Variants in PCYT1B observed in about 807,000 individuals in gnomAD.
The protein encoded by PCYT1B is choline-phosphate cytidylyltransferase B.
PCYT1B carries 10 observed loss-of-function variants against 26.4 expected under a neutral mutation model. The observed-to-expected ratio is 0.38, with a 90% CI of 0.23 to 0.64. The LOEUF (loss-of-function observed/expected upper bound fraction) is 0.64, where lower values mean the gene tolerates loss of function less well. Ranked by LOEUF, PCYT1B falls within the 30% of genes least tolerant of loss-of-function variation. The pLI is 0.56. For synonymous variants in PCYT1B, 131 were observed against 108.4 expected, an observed-to-expected ratio of 1.21 and a Z score of -1.29; for missense variants, 161 against 292.7, an observed-to-expected ratio of 0.55 and a Z score of 3.28.
chrX:24,665,922 G>A (rs1927118936), intron 1 of PCYT1B, among the ~76,000 whole-genome samples: 1 of 110,543 alleles, frequency 9.0e-6, no homozygotes, highest in Non-Finnish European at 1.9e-5. Flanking sequence ...AGAAGGTTGA[G>A]TCTGCCATCT....
At chrX:24,596,273 T>C (rs368833230) in intron 3 of PCYT1B, among the ~76,000 whole-genome samples, 110 of 112,023 alleles carry the variant, frequency 9.8e-4, no homozygotes, top group Middle Eastern at 4.6e-3. Flanking sequence ...AAATTATTAC[T>C]GGCTACATGC....
At chrX:24,617,452 AT>A (rs35284868) in intron 2 of PCYT1B, among the ~76,000 whole-genome samples, 26 of 82,725 alleles carry the variant, frequency 3.1e-4, no homozygotes, top group South Asian at 6.4e-4. Context: ...TATTATTATT[AT>A]TTTTTTTTTT....
chrX:24,616,089 C>T (rs1925480656), intron 2 of PCYT1B, among the ~76,000 whole-genome samples: 1 of 111,152 alleles, frequency 9.0e-6, no homozygotes, highest in African/African-American at 3.3e-5. Flanking sequence ...CAGAGCATCA[C>T]ATCGAGCAGA....
Position 24,562,165 on chromosome X carries a change from G to A in PCYT1B, c.*128C>T, listed in dbSNP as rs780755939. 8.3e-7 allele frequency: 1 copy of A among 1,206,295 alleles called. No individual in the cohort carries two copies. Among genetic ancestry groups the A allele is most frequent in the Non-Finnish European group, 1.1e-6 (1 of 892,348 alleles). On this transcript the variant is annotated 3_prime_UTR_variant, in exon 8 of 8. Transcript: ENST00000379144. The stretch of plus-strand genomic sequence containing the variant: ...CTGGTCCCAAGACCTTCCCTTAGCA[G>A]AGTTCAGGGTCTCTCTGCTGAGCTG...
rs777764326 is a variant in PCYT1B, at chrX:24,616,386, C to T, written c.217+2599G>A. Reference sequence around the variant, plus strand: ...CTGAGTAGCTGGGATTACAGGCATGCGCCACCACGCCTGGCTAATTTTTTG... The same window carrying T: ...CTGAGTAGCTGGGATTACAGGCATGTGCCACCACGCCTGGCTAATTTTTTG... On this transcript the variant is annotated intron_variant, in intron 2 of 7. Transcript: ENST00000379144. Among the ~76,000 whole-genome samples, 11 of 109,886 alleles carry T rather than the reference C, an allele frequency of 1.0e-4. No homozygotes were observed. The South Asian group carries it at 2.8e-3, about 28-fold the overall frequency.
intron 1 of PCYT1B, among the ~76,000 whole-genome samples, chrX:24,634,661 G>A (rs1926216082): frequency 9.0e-6 from 1 of 111,323 alleles, no homozygotes; most frequent in African/African-American, 3.3e-5. Flanking sequence ...CAAGAGAATC[G>A]CTTGTACCTG....
At chrX:24,659,926 G>A (rs967054512) in intron 1 of PCYT1B, among the ~76,000 whole-genome samples, 6 of 111,583 alleles carry the variant, frequency 5.4e-5, no homozygotes, top group Admixed American at 3.8e-4. Context: ...TGGGGGACAC[G>A]TTCAAACCAT....
intron 1 of PCYT1B, among the ~76,000 whole-genome samples, chrX:24,633,209 CAAAAAAAAAAAAA>C (rs1173874144): frequency 6.0e-5 from 1 of 16,735 alleles, no homozygotes; most frequent in African/African-American, 1.5e-4. Flanking sequence ...GACTATGTCT[CAAAAAAAAAAAAA>C]AAAAAAAAAA....
chrX:24,631,633 C>T (rs993758362), intron 1 of PCYT1B, among the ~76,000 whole-genome samples: 1 of 112,283 alleles, frequency 8.9e-6, no homozygotes, highest in Admixed American at 9.4e-5. Context: ...CTCCCACATC[C>T]CAAAGATGTA....
At position 24,590,149 on chromosome X, in the gene PCYT1B, T is replaced by C. The variant is rs755115416; in HGVS notation, c.360A>G (p.Lys120=). The change falls in exon 4 of 8, where the codon AAA becomes AAG. Residue 120 remains lysine, a synonymous_variant. Coordinates refer to ENST00000379144, the MANE Select transcript of PCYT1B (RefSeq NM_004845.5). ...VGVCSDDLTH[K]FKGFTVMNEA... ...CATTCATCACGGTGAAACCTTTGAA[T>C]TTGTGGGTGAGATCATCACTGCAAA... 1.8e-5 allele frequency: 22 copies of C among 1,208,284 alleles called. No individual in the cohort carries two copies. Among genetic ancestry groups the C allele is most frequent in the Non-Finnish European group, 2.5e-5 (22 of 894,254 alleles).
At chrX:24,594,520 C>T (rs1924716304) in intron 3 of PCYT1B, among the ~76,000 whole-genome samples, 1 of 111,512 alleles carries the variant, frequency 9.0e-6, no homozygotes, top group African/African-American at 3.3e-5. Context: ...TGAATCTGCA[C>T]CTGAGCAATT....
chrX:24,613,719 A>G (rs1925382467), intron 2 of PCYT1B, among the ~76,000 whole-genome samples: 1 of 110,033 alleles, frequency 9.1e-6, no homozygotes, highest in Admixed American at 9.8e-5. Flanking sequence ...TTGGGAAGCT[A>G]AGGTGGATAG....
chrX:24,613,405 G>C (rs1254879239), intron 2 of PCYT1B, among the ~76,000 whole-genome samples: 1 of 111,723 alleles, frequency 9.0e-6, no homozygotes, highest in Admixed American at 9.6e-5. Context: ...ACTAGCTAAT[G>C]ATACTATTTT....
intron 3 of PCYT1B, among the ~76,000 whole-genome samples, chrX:24,601,755 A>T (rs182908588): frequency 1.8e-5 from 2 of 111,771 alleles, no homozygotes; most frequent in Non-Finnish European, 3.8e-5. Flanking sequence ...CTATACACCT[A>T]TTAGAATGAC....
chrX:24,564,944 G>A (rs1230285009), intron 7 of PCYT1B, among the ~76,000 whole-genome samples: 2 of 110,702 alleles, frequency 1.8e-5, no homozygotes, highest in Admixed American at 9.6e-5. Context: ...CTGCAGTCTC[G>A]GGTCCAAGAA....
At chrX:24,649,096 G>T (rs1926712295), upstream of PCYT1B, among the ~76,000 whole-genome samples, 1 of 110,852 alleles carries the variant, frequency 9.0e-6, no homozygotes, top group Admixed American at 9.6e-5. Flanking sequence ...GAACTCCAGT[G>T]TTGTGAGAAT....
intron 7 of PCYT1B, among the ~76,000 whole-genome samples, chrX:24,568,816 C>T (rs987162661): frequency 7.2e-5 from 8 of 111,236 alleles, no homozygotes; most frequent in African/African-American, 2.6e-4. Flanking sequence ...AATTTGGGGC[C>T]GGGCGCAGTG....
chrX:24,630,222 AT>A (rs1423959344), intron 1 of PCYT1B, among the ~76,000 whole-genome samples: 1 of 112,427 alleles, frequency 8.9e-6, no homozygotes, highest in Non-Finnish European at 1.9e-5. Context: ...TAAAAATAAA[AT>A]TTGAAAGTTT....
intron 7 of PCYT1B, among the ~76,000 whole-genome samples, chrX:24,572,918 T>TTTTATA (rs1923878079): frequency 1.0e-5 from 1 of 96,316 alleles, no homozygotes; most frequent in Non-Finnish European, 2.1e-5. Context: ...TTTCATCAAA[T>TTTTATA]TATATATATA....
Sources: gnomAD v4.1 joint callset for allele counts (sites outside exome capture counted in the v4.1 genomes callset) on GRCh38, gnomAD v4.1.1 for gene constraint, MANE v1.5 for transcripts, NCBI Gene and HGNC (gene_info 2026-07-23, HGNC 2026-07-21) for gene names.